Variants in C1QTNF3 observed in about 807,000 individuals in gnomAD.
C1QTNF3 encodes the protein C1q and TNF related 3.
In C1QTNF3, 26 loss-of-function variants were observed where a neutral mutation model predicts 32.6. The observed-to-expected ratio is 0.80, with a 90% CI of 0.58 to 1.11. C1QTNF3 has a LOEUF of 1.11. Ranked by LOEUF, C1QTNF3 falls within the 50% of genes least tolerant of loss-of-function variation. The probability of loss-of-function intolerance (pLI) is 0.00; values close to 1 mark genes in which losing one functional copy is unlikely to be tolerated. For synonymous variants in C1QTNF3, 155 were observed against 146.0 expected (o/e 1.06, Z -0.44); for missense variants, 362 against 398.2 (o/e 0.91, Z 0.77).
the C1QTNF3 span, chr5:34,200,334 T>TC: frequency 6.6e-6 from 1 of 151,684 alleles, no homozygotes; most frequent in Non-Finnish European, 1.5e-5. Flanking sequence ...ACCCATTTTT[T>TC]CTTTTCCTGG....
At chr5:34,156,721 C>T in the C1QTNF3 span, among the ~76,000 whole-genome samples, 7 of 151,698 alleles carry the variant, frequency 4.6e-5, no homozygotes, top group Admixed American at 2.6e-4. Flanking sequence ...AATTATTGAC[C>T]CAAATAAACC....
At chr5:34,033,243 C>G in intron 3 of C1QTNF3, 61 bp downstream of exon 3, 4 of 1,573,428 alleles carry the variant, frequency 2.5e-6, no homozygotes, top group Middle Eastern at 2.0e-4. Flanking sequence ...ATCCTGATTC[C>G]TGGCCCCTTT....
In C1QTNF3 at chr5:34,041,048, C is replaced by T. The variant is rs142224165; in HGVS notation, c.303+1775G>A. Reference sequence around the variant, plus strand: ...TCAGGCATATTTATCTTTATATATCCCTGGCCCCCCTTTTAAAGTTTGGTA... The same window carrying T: ...TCAGGCATATTTATCTTTATATATCTCTGGCCCCCCTTTTAAAGTTTGGTA... On this transcript the variant is annotated intron_variant, in intron 1 of 5. Coordinates refer to ENST00000382065, the MANE Select transcript of C1QTNF3 (RefSeq NM_181435.6). Among the ~76,000 whole-genome samples, 20 of 152,218 alleles carry T rather than the reference C, an allele frequency of 1.3e-4. No individual in the cohort carries two copies. In the East Asian group the frequency reaches 3.7e-3, roughly 28 times the overall value.
the C1QTNF3 span, among the ~76,000 whole-genome samples, chr5:34,053,764 C>T: frequency 6.6e-6 from 1 of 152,162 alleles, no homozygotes; most frequent in Non-Finnish European, 1.5e-5. Context: ...CAAGGCAGTG[C>T]AGCTAATTAG....
the C1QTNF3 span, among the ~76,000 whole-genome samples, chr5:34,189,043 G>C: frequency 1.2e-3 from 169 of 146,212 alleles, no homozygotes; most frequent in East Asian, 0.016. Context: ...CCCTGCACAT[G>C]CTCTCTCCTG....
the C1QTNF3 span, among the ~76,000 whole-genome samples, chr5:34,114,210 T>C: frequency 6.6e-6 from 1 of 152,190 alleles, no homozygotes; most frequent in African/African-American, 2.4e-5. Context: ...GCTTAATGAC[T>C]TCTTTACAGG....
At chr5:34,070,155 C>G in the C1QTNF3 span, among the ~76,000 whole-genome samples, 1 of 152,154 alleles carries the variant, frequency 6.6e-6, no homozygotes, top group Non-Finnish European at 1.5e-5. Flanking sequence ...AACTCCACTT[C>G]AAGACCTTGT....
At chr5:34,133,564 G>C in the C1QTNF3 span, among the ~76,000 whole-genome samples, 2 of 152,144 alleles carry the variant, frequency 1.3e-5, no homozygotes, top group South Asian at 4.1e-4. Flanking sequence ...TAGACATATA[G>C]AGCATTGGAT....
chr5:34,049,495 G>A, the C1QTNF3 span, among the ~76,000 whole-genome samples: 51 of 152,292 alleles, frequency 3.3e-4, no homozygotes, highest in East Asian at 9.4e-3. Flanking sequence ...AGGCAGCTCT[G>A]ACCCTCCGGA....
At chr5:34,024,939 A>G (rs299604) in intron 4 of C1QTNF3, among the ~76,000 whole-genome samples, 63,272 of 152,114 alleles carry the variant, frequency 0.42, 13,972 homozygotes, top group South Asian at 0.66. Flanking sequence ...TTTCAAGACA[A>G]TAACCCAGAA....
At chr5:34,154,402 T>C in the C1QTNF3 span, among the ~76,000 whole-genome samples, 1 of 152,200 alleles carries the variant, frequency 6.6e-6, no homozygotes, top group Admixed American at 6.5e-5. Context: ...TACCCATTTA[T>C]TTCTTGCTGT....
chr5:34,085,030 G>T, the C1QTNF3 span, among the ~76,000 whole-genome samples: 4 of 113,818 alleles, frequency 3.5e-5, no homozygotes, highest in Non-Finnish European at 6.6e-5. Flanking sequence ...TCACTCTGTC[G>T]CCCAGGCTGG....
At chr5:34,042,210 A>G (rs1469318442) in intron 1 of C1QTNF3, among the ~76,000 whole-genome samples, 1 of 152,032 alleles carries the variant, frequency 6.6e-6, no homozygotes, top group East Asian at 1.9e-4. Flanking sequence ...GCATCAAATC[A>G]TGCTATAAGG....
At chr5:34,207,861 T>C in the C1QTNF3 span, among the ~76,000 whole-genome samples, 8 of 151,970 alleles carry the variant, frequency 5.3e-5, no homozygotes, top group African/African-American at 9.7e-5. Context: ...GATCTCAGCT[T>C]ACTGCAAACT....
chr5:34,097,309 C>T, the C1QTNF3 span, among the ~76,000 whole-genome samples: 1 of 151,888 alleles, frequency 6.6e-6, no homozygotes, highest in African/African-American at 2.4e-5. Context: ...ATCATTGTAT[C>T]TGACATTTAT....
chr5:34,023,976 G>A lies in C1QTNF3; in HGVS notation c.733C>T (p.His245Tyr). Residue 245 changes from histidine (H) to tyrosine (Y), a missense_variant, in exon 5 of 6, where the codon CAT becomes TAT. His to Tyr is a moderately conservative substitution (Grantham distance 83). Transcript: ENST00000382065. ...VYFFTFSMMK[H>Y]EDVEEVYVYL... is the part of the protein sequence containing the mutation. The stretch of plus-strand genomic sequence containing the variant: ...ACATACACTTCCTCAACATCCTCAT[G>A]CTTCATCATGCTGAAGGTGAAGAAA... 6.2e-7 allele frequency: 1 copy of A among 1,614,068 alleles called. No homozygotes were observed. The highest frequency in any genetic ancestry group is 8.5e-7 in the Non-Finnish European group (1 of 1,179,976).
At chr5:34,056,699 T>C in the C1QTNF3 span, among the ~76,000 whole-genome samples, 1 of 151,636 alleles carries the variant, frequency 6.6e-6, no homozygotes, top group South Asian at 2.1e-4. Context: ...TTGGTAAAGA[T>C]GAAGTCTCAC....
intron 1 of C1QTNF3, among the ~76,000 whole-genome samples, chr5:34,041,069 T>C (rs1754861721): frequency 6.6e-6 from 1 of 152,178 alleles, no homozygotes; most frequent in South Asian, 2.1e-4. Flanking sequence ...TTTTAAAGTT[T>C]GGTACAAAGT....
At chr5:34,173,710 A>G in the C1QTNF3 span, among the ~76,000 whole-genome samples, 5 of 126,440 alleles carry the variant, frequency 4.0e-5, no homozygotes, top group African/African-American at 1.5e-4. Flanking sequence ...AATGAGTAAG[A>G]AAAACTTTTT....
Sources: allele counts gnomAD v4.1 joint callset (sites outside exome capture counted in the v4.1 genomes callset), GRCh38; gene constraint gnomAD v4.1.1; transcripts MANE v1.5; gene names NCBI Gene and HGNC (gene_info 2026-07-23, HGNC 2026-07-21).